CACNA2D1: variants seen among roughly 807,000 people sequenced by gnomAD.
The protein encoded by CACNA2D1 is voltage-dependent calcium channel subunit alpha-2/delta-1.
CACNA2D1 carries 53 observed loss-of-function variants against 171.5 expected under a neutral mutation model. The observed-to-expected ratio is 0.31, with a 90% CI of 0.25 to 0.39. The LOEUF (loss-of-function observed/expected upper bound fraction) is 0.39, where lower values mean the gene tolerates loss of function less well. CACNA2D1 is among the 10% of genes least tolerant of loss of function. The probability of loss-of-function intolerance (pLI) is 1.00; values close to 1 mark genes in which losing one functional copy is unlikely to be tolerated. For missense variants in CACNA2D1, 903 were observed against 1,299.8 expected (o/e 0.69, Z 4.69); for synonymous variants, 442 against 443.1 (o/e 1.00, Z 0.03).
intron 3 of CACNA2D1, among the ~76,000 whole-genome samples, chr7:82,172,765 A>C (rs999515858): frequency 4.0e-5 from 6 of 149,582 alleles, no homozygotes; most frequent in African/African-American, 1.5e-4. Flanking sequence ...AAAATTTGCA[A>C]TGTAAATCTT....
intron 1 of CACNA2D1, among the ~76,000 whole-genome samples, chr7:82,425,648 C>A (rs1829104758): frequency 6.6e-6 from 1 of 150,648 alleles, no homozygotes; most frequent in African/African-American, 2.4e-5. Flanking sequence ...TCAAGTGATC[C>A]TCTCACCCGC....
intron 1 of CACNA2D1, among the ~76,000 whole-genome samples, chr7:82,374,496 T>C (rs915794832): frequency 2.0e-5 from 3 of 152,058 alleles, no homozygotes; most frequent in Non-Finnish European, 4.4e-5. Context: ...GACAAACACA[T>C]GCGCTCCTCC....
intron 3 of CACNA2D1, among the ~76,000 whole-genome samples, chr7:82,254,389 C>G (rs540773944): frequency 9.9e-5 from 15 of 151,956 alleles, no homozygotes; most frequent in Non-Finnish European, 2.1e-4. Flanking sequence ...ATTATTTTTT[C>G]TTCCAGCTTC....
chr7:82,437,294 T>C (rs1778385799), intron 1 of CACNA2D1, among the ~76,000 whole-genome samples: 1 of 152,114 alleles, frequency 6.6e-6, no homozygotes, highest in African/African-American at 2.4e-5. Flanking sequence ...TTGGAATTGC[T>C]TTCCATCATT....
intron 7 of CACNA2D1, among the ~76,000 whole-genome samples, chr7:82,081,744 G>A (rs917691149): frequency 1.3e-5 from 2 of 152,286 alleles, no homozygotes; most frequent in Admixed American, 6.5e-5. Flanking sequence ...GCTTGGGTCC[G>A]GGTTCACCGC....
chr7:81,991,162 A>G (rs1797503340), intron 21 of CACNA2D1, 23 bp downstream of exon 21: 3 of 1,140,978 alleles, frequency 2.6e-6, no homozygotes, highest in African/African-American at 1.5e-5. Context: ...AATACACAAT[A>G]CACATAAAAT....
intron 3 of CACNA2D1, among the ~76,000 whole-genome samples, chr7:82,202,733 G>A (rs1192225865): frequency 6.6e-6 from 1 of 152,072 alleles, no homozygotes; most frequent in African/African-American, 2.4e-5. Context: ...GTGAATGCAG[G>A]CCTGGGTCCG....
chr7:82,211,898 TTTTG>T (rs1268063525), intron 3 of CACNA2D1, among the ~76,000 whole-genome samples: 3 of 152,158 alleles, frequency 2.0e-5, no homozygotes, highest in Non-Finnish European at 4.4e-5. Context: ...TTTTGTTTTG[TTTTG>T]TTTAATTTTT....
At chr7:82,012,808 C>T (rs968838800) in intron 14 of CACNA2D1, among the ~76,000 whole-genome samples, 25 of 152,016 alleles carry the variant, frequency 1.6e-4, no homozygotes, top group Admixed American at 9.8e-4. Context: ...GTTATTTATG[C>T]TAAATTTTGA....
intron 3 of CACNA2D1, among the ~76,000 whole-genome samples, chr7:82,286,267 C>G (rs1196437532): frequency 6.6e-6 from 1 of 152,096 alleles, no homozygotes; most frequent in East Asian, 1.9e-4. Flanking sequence ...TCTGGGAAGT[C>G]TGTTTTTCCT....
chr7:82,066,672 C>G (rs1562993125), intron 7 of CACNA2D1, 148 bp from the exon 8 acceptor site: 1 of 1,217,682 alleles, frequency 8.2e-7, no homozygotes, highest in Non-Finnish European at 1.1e-6. Context: ...TTTTTAAGCC[C>G]TTATATTGCT....
chr7:82,333,083 A>T (rs930062468), intron 3 of CACNA2D1, among the ~76,000 whole-genome samples: 9 of 152,170 alleles, frequency 5.9e-5, no homozygotes, highest in African/African-American at 2.2e-4. Context: ...TATGAAAAAA[A>T]TTTTTAAAGT....
At position 82,117,438 on chromosome 7, in the gene CACNA2D1, G is replaced by A. The variant is rs555552313; in HGVS notation, c.397-265C>T. Among the ~76,000 whole-genome samples, 9 of 152,156 alleles carry A rather than the reference G, an allele frequency of 5.9e-5. 1 individual carries two copies. In the South Asian group the frequency reaches 1.9e-3, roughly 32 times the overall value. On this transcript the variant is annotated intron_variant, in intron 5 of 38. Coordinates refer to ENST00000356860, the MANE Select transcript of CACNA2D1 (RefSeq NM_000722.4). ...GGAGTCATTCAGGATCATCTTTGGG[G>A]GACGAGGGAGACCAGACTTCCACAC...
At chr7:82,382,672 G>T (rs547342420) in intron 1 of CACNA2D1, among the ~76,000 whole-genome samples, 3 of 152,290 alleles carry the variant, frequency 2.0e-5, no homozygotes, top group East Asian at 1.9e-4. Flanking sequence ...CTAAGTAAGT[G>T]TAAGGGGACC....
At chr7:82,212,199 T>C (rs1356719082) in intron 3 of CACNA2D1, among the ~76,000 whole-genome samples, 3 of 152,126 alleles carry the variant, frequency 2.0e-5, no homozygotes, top group Non-Finnish European at 1.5e-5. Context: ...AAATGATGGA[T>C]ATAAGAATAA....
At chr7:81,970,009 T>C (rs771543043) in intron 27 of CACNA2D1, 25 bp from the exon 28 acceptor site, 2 of 1,340,070 alleles carry the variant, frequency 1.5e-6, no homozygotes, top group Non-Finnish European at 1.1e-6. Flanking sequence ...GCTCATCATT[T>C]GTATTCTTTA....
intron 1 of CACNA2D1, among the ~76,000 whole-genome samples, chr7:82,440,363 T>C (rs1830405350): frequency 6.6e-6 from 1 of 151,958 alleles, no homozygotes; most frequent in Non-Finnish European, 1.5e-5. Flanking sequence ...TAATTCTAAA[T>C]ATTAAAATAG....
intron 12 of CACNA2D1, among the ~76,000 whole-genome samples, chr7:82,030,256 T>A (rs1202444889): frequency 6.6e-6 from 1 of 151,716 alleles, no homozygotes; most frequent in East Asian, 1.9e-4. Context: ...TTCAACCAAC[T>A]GAACAATTTG....
intron 1 of CACNA2D1, among the ~76,000 whole-genome samples, chr7:82,408,022 CTTTT>C (rs552179208): frequency 2.9e-5 from 4 of 136,606 alleles, no homozygotes; most frequent in Admixed American, 7.5e-5. Flanking sequence ...CTTGTACTTT[CTTTT>C]TTTTTTTTTT....
Sources: gnomAD v4.1 joint callset for allele counts (sites outside exome capture counted in the v4.1 genomes callset) on GRCh38, gnomAD v4.1.1 for gene constraint, MANE v1.5 for transcripts, NCBI Gene and HGNC (gene_info 2026-07-23, HGNC 2026-07-21) for gene names.